The following PCDHGB1 variants were observed in gnomAD, a reference collection of about 807,000 sequenced individuals.
PCDHGB1 encodes protocadherin gamma-B1.
In PCDHGB1, 34 loss-of-function variants were observed where a neutral mutation model predicts 56.6. The observed-to-expected ratio is 0.60, with a 90% CI of 0.46 to 0.80. The LOEUF (loss-of-function observed/expected upper bound fraction) is 0.80, where lower values mean the gene tolerates loss of function less well. PCDHGB1 is among the 30% of genes least tolerant of loss of function. The probability of loss-of-function intolerance (pLI) is 0.00; values close to 1 mark genes in which losing one functional copy is unlikely to be tolerated. For missense variants in PCDHGB1, 1,278 were observed against 1,204.6 expected (o/e 1.06, Z -0.90); for synonymous variants, 561 against 505.9 (o/e 1.11, Z -1.46).
chr5:141,375,133 A>C, intron 1 of PCDHGB1: 1 of 1,613,958 alleles, frequency 6.2e-7, no homozygotes, highest in South Asian at 1.1e-5. Context: ...TGGTTGTTAC[A>C]TCTGGAAGCA....
chr5:141,385,657 C>T, intron 1 of PCDHGB1: 1 of 611,856 alleles, frequency 1.6e-6, no homozygotes, highest in Admixed American at 4.9e-5. Context: ...ACAAGGTTAG[C>T]AGGAATAAAA....
rs566234229 is a variant in PCDHGB1, at chr5:141,351,445, G to C, written c.1185G>C (p.Lys395Asn). ...EVPFKLESTS[K>N]NYYKLVIAGA... ...CTTTCAAATTAGAATCCACCTCGAA[G>C]AATTATTACAAGCTGGTGATTGCTG... Residue 395 changes from lysine (K) to asparagine (N), a missense_variant, in exon 1 of 4, where the codon AAG (lysine) becomes AAC (asparagine). Coordinates refer to ENST00000523390, the MANE Select transcript of PCDHGB1 (RefSeq NM_018922.3). The C allele has an allele frequency of 1.4e-5, 23 of 1,612,940 alleles. No homozygotes were observed. The highest frequency in any genetic ancestry group is 1.9e-5 in the Non-Finnish European group (22 of 1,179,352).
Position 141,487,632 on chromosome 5 carries a change from C to G in PCDHGB1, c.2410-7175C>G, listed in dbSNP as rs374506603. The G allele has an allele frequency of 6.2e-7, 1 of 1,614,186 alleles. No homozygotes were observed. Among genetic ancestry groups the G allele is most frequent in the East Asian group, 2.2e-5 (1 of 44,888 alleles). On this transcript the variant is annotated intron_variant, in intron 1 of 3. Coordinates refer to ENST00000523390, the MANE Select transcript of PCDHGB1 (RefSeq NM_018922.3). The surrounding 1 kb of genome is among the most constrained non-coding windows in gnomAD (Gnocchi z 5.0). ...GGGCTAGAGGTGAGACCTTTGCAGG[C>G]TCAACAAATGCTTGAGGGTTATTCT... is the stretch of plus-strand genomic sequence containing the variant.
At chr5:141,483,222 C>A (rs1011389295) in intron 1 of PCDHGB1, among the ~76,000 whole-genome samples, 4 of 152,078 alleles carry the variant, frequency 2.6e-5, no homozygotes, top group African/African-American at 9.7e-5. Context: ...ACAGTCACTG[C>A]AGAAATTTGA....
At chr5:141,409,870 T>A (rs980871481) in intron 1 of PCDHGB1, 2 of 1,612,670 alleles carry the variant, frequency 1.2e-6, no homozygotes, top group Admixed American at 1.7e-5. Context: ...GAGACCGCAA[T>A]GACAACGCAC....
At chr5:141,422,606 C>T in intron 1 of PCDHGB1, 1 of 1,613,904 alleles carries the variant, frequency 6.2e-7, no homozygotes, top group Non-Finnish European at 8.5e-7. Flanking sequence ...TCTTACTCTG[C>T]CTACATTCCC....
intron 1 of PCDHGB1, among the ~76,000 whole-genome samples, chr5:141,461,288 A>G (rs1049761514): frequency 2.0e-5 from 3 of 152,092 alleles, no homozygotes; most frequent in Admixed American, 1.3e-4. Flanking sequence ...CCCCACATCC[A>G]CACCAACATC....
chr5:141,510,984 C>G lies in PCDHGB1; in HGVS notation c.2595C>G (p.Ala865=). ...ADGSSTLGGG[A]GTMGLSARYG... ...GGAGCTCCACCCTGGGAGGGGGTGC[C>G]GGCACCATGGGATTGAGCGCCCGCT... The change falls in exon 4 of 4, where the codon GCC becomes GCG. Residue 865 remains alanine (A), a synonymous_variant. Transcript: ENST00000523390. The G allele has an allele frequency of 1.2e-6, 2 of 1,614,162 alleles. No homozygotes were observed. The highest frequency in any genetic ancestry group is 1.7e-6 in the Non-Finnish European group (2 of 1,180,012).
chr5:141,494,778 CA>C (rs1228639033), intron 1 of PCDHGB1, 28 bp from the exon 2 acceptor site: 1 of 1,614,086 alleles, frequency 6.2e-7, no homozygotes, highest in Admixed American at 1.7e-5. Flanking sequence ...CACGGGTACT[CA>C]GCCCCTTTCC....
intron 1 of PCDHGB1, chr5:141,383,899 C>T (rs560928380): frequency 1.2e-6 from 2 of 1,613,958 alleles, no homozygotes; most frequent in African/African-American, 2.7e-5. Context: ...GGCAAAAGTA[C>T]TGATCACAGT....
chr5:141,395,157 C>T (rs1217678334), intron 1 of PCDHGB1: 4 of 1,614,174 alleles, frequency 2.5e-6, no homozygotes, highest in Admixed American at 1.7e-5. Context: ...GCTCATCAGT[C>T]AGGAGGGCTG....
intron 1 of PCDHGB1, chr5:141,366,384 A>T (rs773208585): frequency 1.2e-6 from 2 of 1,614,124 alleles, no homozygotes; most frequent in Admixed American, 3.3e-5. Context: ...ATTGACCCTG[A>T]GGATCTGGAC....
intron 1 of PCDHGB1, among the ~76,000 whole-genome samples, chr5:141,460,737 G>GTA (rs1393989215): frequency 2.0e-5 from 3 of 150,700 alleles, no homozygotes; most frequent in East Asian, 1.9e-4. Context: ...TATACACATT[G>GTA]TATATATATG....
At chr5:141,392,719 C>T (rs1044889578) in intron 1 of PCDHGB1, 60 of 1,382,980 alleles carry the variant, frequency 4.3e-5, no homozygotes, top group African/African-American at 2.9e-5. Context: ...TCCAGGTTTC[C>T]GGAGGATTGT....
chr5:141,394,115 T>A, intron 1 of PCDHGB1: 1 of 1,613,954 alleles, frequency 6.2e-7, no homozygotes, highest in Non-Finnish European at 8.5e-7. Context: ...CTCTGTCCAC[T>A]GAAACTCAAA....
chr5:141,438,627 TATATATATACACACAC>T (rs1396288881), intron 1 of PCDHGB1, among the ~76,000 whole-genome samples: 69 of 48,002 alleles, frequency 1.4e-3, no homozygotes, highest in Admixed American at 2.8e-3. Flanking sequence ...TATATATATA[TATATATATACACACAC>T]ACACACACAT....
At chr5:141,506,444 CAAAAAAAA>C (rs1219684339) in intron 3 of PCDHGB1, among the ~76,000 whole-genome samples, 24 of 95,024 alleles carry the variant, frequency 2.5e-4, no homozygotes, top group African/African-American at 9.5e-4. Flanking sequence ...CGCTCTGTCT[CAAAAAAAA>C]AAAAAAAAAA....
chr5:141,350,965 T>C lies in PCDHGB1; in HGVS notation c.705T>C (p.Asn235=). The part of the protein sequence containing the change: ...IWIRVTDAND[N]APVFSQEVYR... The stretch of plus-strand genomic sequence containing the variant: ...TCCGAGTTACGGATGCCAATGATAA[T>C]GCTCCCGTGTTTAGCCAGGAGGTAT... Residue 235 remains asparagine (N), a synonymous_variant, in exon 1 of 4, where the codon AAT becomes AAC. Coordinates refer to ENST00000523390, the MANE Select transcript of PCDHGB1 (RefSeq NM_018922.3). 6.2e-7 allele frequency: 1 copy of C among 1,614,092 alleles called. No homozygotes were observed. Among genetic ancestry groups the C allele is most frequent in the Non-Finnish European group, 8.5e-7 (1 of 1,179,910 alleles).
At chr5:141,420,062 T>G (rs759817545) in intron 1 of PCDHGB1, 1 of 1,614,066 alleles carries the variant, frequency 6.2e-7, no homozygotes, top group Non-Finnish European at 8.5e-7. Context: ...CTGCTCCAAG[T>G]CCGGACCTGT....
Sources: gnomAD v4.1 joint callset for allele counts (sites outside exome capture counted in the v4.1 genomes callset) on GRCh38, gnomAD v4.1.1 for gene constraint, Gnocchi (gnomAD v3.1) non-coding constraint, MANE v1.5 for transcripts, NCBI Gene and HGNC (gene_info 2026-07-23, HGNC 2026-07-21) for gene names.